The following VPS4A variants were observed in gnomAD, a reference collection of about 807,000 sequenced individuals.
VPS4A encodes vacuolar protein sorting-associated protein 4A.
In VPS4A, 20 loss-of-function variants were observed where a neutral mutation model predicts 52.3. The ratio of observed to expected loss-of-function variants is 0.38; its 90% confidence interval spans 0.27 to 0.56. VPS4A has a LOEUF of 0.56. VPS4A is among the 20% of genes least tolerant of loss of function. The probability of loss-of-function intolerance (pLI) is 0.72; values close to 1 mark genes in which losing one functional copy is unlikely to be tolerated. For synonymous variants in VPS4A, 293 were observed against 227.7 expected (o/e 1.29, Z -2.58); for missense variants, 419 against 575.9 (o/e 0.73, Z 2.79).
rs12708896 is a variant in VPS4A at position 69,316,166 on chromosome 16, C to T, written c.133+47C>T. On this transcript the variant is annotated intron_variant, in intron 2 of 10. Transcript: ENST00000254950. Reference sequence around the variant, plus strand: ...CAGGCTGCCGCACTCCAGAGGGGAGCGGAGGAGAGGGGGTGGCGCACGAGC... The same window carrying T: ...CAGGCTGCCGCACTCCAGAGGGGAGTGGAGGAGAGGGGGTGGCGCACGAGC... 12 of 1,611,868 alleles carry T rather than the reference C, an allele frequency of 7.4e-6. No individual in the cohort carries two copies. The African/African-American group carries it at 8.0e-5, about 11-fold the overall frequency.
intron 6 of VPS4A, among the ~76,000 whole-genome samples, chr16:69,319,852 T>G (rs1965488707): frequency 6.6e-6 from 1 of 152,122 alleles, no homozygotes; most frequent in African/African-American, 2.4e-5. Flanking sequence ...GACTCCTGTT[T>G]TGCGTGTGAT....
chr16:69,324,892 G>A lies in VPS4A; in HGVS notation c.*583G>A, dbSNP rs1014666616. The A allele has an allele frequency of 6.3e-5, 10 of 159,618 alleles. No homozygotes were observed. Among genetic ancestry groups the A allele is most frequent in the Admixed American group, 1.2e-4 (2 of 17,074 alleles). 9.9% of individuals were successfully genotyped at this position (159,618 alleles called of 1,614,324 possible). A position where few individuals can be genotyped will look rare whatever the true frequency, so the allele number is the denominator to read the frequency against. On this transcript the variant is annotated 3_prime_UTR_variant, in exon 11 of 11. Transcript: ENST00000254950. Reference sequence around the variant, plus strand: ...CAGGGCTGTGTCTTCCTTGGGGGAGGAGATGGTGTCGTTTAGATCAGGGTA... The same window carrying A: ...CAGGGCTGTGTCTTCCTTGGGGGAGAAGATGGTGTCGTTTAGATCAGGGTA...
rs766493051 is a variant in VPS4A at position 69,311,529 on chromosome 16, C to G, written c.18C>G (p.Leu6=). 1.5e-6 allele frequency: 2 copies of G among 1,346,504 alleles called. No individual in the cohort carries two copies. The highest frequency in any genetic ancestry group is 4.2e-5 in the South Asian group (2 of 48,074). 83.4% of individuals were successfully genotyped at this position (1,346,504 alleles called of 1,614,324 possible). Residue 6 remains leucine (L), a synonymous_variant, in exon 1 of 11, where the codon CTC becomes CTG. Transcript: ENST00000254950. MTTST[L]QKAIDLVTKA... ...GAGATGAAATGACAACGTCAACCCT[C>G]CAGGTACTTCGTGCGGCCCGGCCCG...
intron 6 of VPS4A, among the ~76,000 whole-genome samples, 170 bp downstream of exon 6, chr16:69,319,713 G>A (rs1038662504): frequency 6.6e-6 from 1 of 152,224 alleles, no homozygotes; most frequent in Non-Finnish European, 1.5e-5. Flanking sequence ...ACAAAGACAA[G>A]TGAAGGTGGA....
rs1272972505 is a variant in VPS4A, at chr16:69,321,085, G to A, written c.886G>A (p.Glu296Lys). ...EKRIYIPLPEEAARAQMFRLH... is the reference protein window; with the variant it reads ...EKRIYIPLPEKAARAQMFRLH... ...ACGAATTTATATCCCCTTGCCGGAG[G>A]AAGCTGCCCGCGCCCAGATGTTCCG... The change falls in exon 9 of 11, where the codon GAA (glutamate) becomes AAA (lysine). Residue 296 changes from glutamate (E) to lysine (K), a missense_variant. Transcript: ENST00000254950. The surrounding 1 kb of genome is among the most constrained non-coding windows in gnomAD (Gnocchi z 4.5). 1.3e-6 allele frequency: 2 copies of A among 1,595,282 alleles called. No individual in the cohort carries two copies. Among genetic ancestry groups the A allele is most frequent in the Non-Finnish European group, 1.7e-6 (2 of 1,170,988 alleles).
At chr16:69,322,418 G>A in intron 9 of VPS4A, 142 bp from the exon 10 acceptor site, 2 of 881,974 alleles carry the variant, frequency 2.3e-6, no homozygotes, top group Non-Finnish European at 3.3e-6. Context: ...GGACCACCCA[G>A]CCCGAGTTCT....
chr16:69,319,803 C>T (rs1965487673), intron 6 of VPS4A, among the ~76,000 whole-genome samples: 1 of 152,310 alleles, frequency 6.6e-6, no homozygotes, highest in Admixed American at 6.5e-5. Flanking sequence ...GTTGCGGTCC[C>T]TGTTGGGGCA....
In VPS4A at chr16:69,316,242, A is replaced by C; in HGVS notation, c.151A>C (p.Lys51Gln). The C allele has an allele frequency of 6.2e-7, 1 of 1,613,658 alleles. No homozygotes were observed. Among genetic ancestry groups the C allele is most frequent in the Non-Finnish European group, 8.5e-7 (1 of 1,179,862 alleles). Residue 51 changes from lysine (K) to glutamine (Q), a missense_variant, in exon 3 of 11, where the codon AAG becomes CAG. Physicochemically the swap from Lys to Gln is moderately conservative, Grantham distance 53 (BLOSUM62 1). Transcript: ENST00000254950. ...TTTCACAGATGAGGCCCACAGCGAC[A>C]AGGCCAAGGAGAGCATTCGAGCCAA... is the stretch of plus-strand genomic sequence containing the variant. ...HAIKYEAHSD[K>Q]AKESIRAKCV...
At chr16:69,316,738 G>C (rs1486066276) in intron 3 of VPS4A, among the ~76,000 whole-genome samples, 3 of 152,230 alleles carry the variant, frequency 2.0e-5, no homozygotes, top group African/African-American at 7.2e-5. Flanking sequence ...GGAGCAGTGA[G>C]ATGACGTGGG....
chr16:69,318,772 G>A lies in VPS4A; in HGVS notation c.344-51G>A, dbSNP rs372502571. 15 of 1,613,056 alleles carry A rather than the reference G, an allele frequency of 9.3e-6. No homozygotes were observed. The African/African-American group carries it at 1.9e-4, about 20-fold the overall frequency. ...ATGAGAGTGGGTCCGCTGCTGGGTT[G>A]GCTCATGCCCCTTGGCCGGGCCCGG... On this transcript the variant is annotated intron_variant, in intron 4 of 10. Transcript: ENST00000254950.
At chr16:69,317,977 A>C (rs560336368) in intron 3 of VPS4A, among the ~76,000 whole-genome samples, 187 of 143,576 alleles carry the variant, frequency 1.3e-3, no homozygotes, top group African/African-American at 1.9e-3. Context: ...AAAAAAAAAG[A>C]AGCTTCTGGC....
In VPS4A at chr16:69,320,477, TC is replaced by T; in HGVS notation, c.769+190del. 2 of 866,484 alleles carry T rather than the reference TC, an allele frequency of 2.3e-6. No individual in the cohort carries two copies. Among genetic ancestry groups the T allele is most frequent in the Non-Finnish European group, 3.5e-6 (2 of 571,700 alleles). The allele number at this position is 866,484 out of a possible 1,614,324, so 53.7% of individuals were successfully genotyped here. On this transcript the variant is annotated intron_variant, in intron 7 of 10. Coordinates refer to ENST00000254950, the MANE Select transcript of VPS4A (RefSeq NM_013245.3). This position sits in a 1 kb window ranked among gnomAD's most constrained non-coding sequence, Gnocchi z 4.2. ...CTGAGGCCTCTGCCTCACGGGCCAC[TC>T]CACCCCTCCCATGGCAGGCAGTGCC...
In VPS4A at chr16:69,323,962, AAAAG is replaced by A. The variant is rs1165226369; in HGVS notation, c.1213-241_1213-238del. Among the ~76,000 whole-genome samples the A allele has an allele frequency of 2.3e-4, 35 of 151,328 alleles. No individual in the cohort carries two copies. In the East Asian group the frequency reaches 3.7e-3, roughly 16 times the overall value. ...CCGTCTCCAAAAAAAAAAAAAAAAAAAAAGAAAGCAAGTTCGTAAGGGGAGTTAT... is the reference window on the plus strand; with the variant it reads ...CCGTCTCCAAAAAAAAAAAAAAAAAAAAAGCAAGTTCGTAAGGGGAGTTAT... On this transcript the variant is annotated intron_variant, in intron 10 of 10. Transcript: ENST00000254950.
At chr16:69,319,689 G>A in intron 6 of VPS4A, 146 bp downstream of exon 6, 2 of 1,131,426 alleles carry the variant, frequency 1.8e-6, no homozygotes, top group Non-Finnish European at 2.4e-6. Flanking sequence ...CTTATCGGCT[G>A]GGACACAGTC....
At position 69,321,234 on chromosome 16, in the gene VPS4A, C is replaced by A; in HGVS notation, c.1035C>A (p.Pro345=). 1.3e-6 allele frequency: 2 copies of A among 1,561,996 alleles called. No individual in the cohort carries two copies. Among genetic ancestry groups the A allele is most frequent in the South Asian group, 1.2e-5 (1 of 84,630 alleles). Residue 345 remains proline, a synonymous_variant, in exon 9 of 11, where the codon CCC becomes CCA. Transcript: ENST00000254950. This position sits in a 1 kb window ranked among gnomAD's most constrained non-coding sequence, Gnocchi z 4.5. ...TCGTGCGGGACTCTCTCATGCAGCC[C>A]GTGAGGAAGGTGCAGTCGGCCACAC... ...SIIVRDSLMQ[P]VRKVQSATHF...
In VPS4A at chr16:69,325,534, G is replaced by A. The variant is rs1255492152; in HGVS notation, c.*1225G>A. On this transcript the variant is annotated 3_prime_UTR_variant, in exon 11 of 11. Transcript: ENST00000254950. ...GCGGATCACAAGGTCAGGAAATCGA[G>A]AACATCCTGGCTAACACAGTGAAAC... The A allele has an allele frequency of 1.3e-5, 2 of 152,270 alleles. No homozygotes were observed. Among genetic ancestry groups the A allele is most frequent in the East Asian group, 1.9e-4 (1 of 5,180 alleles). 9.4% of individuals were successfully genotyped at this position (152,270 alleles called of 1,614,324 possible). A position where few individuals can be genotyped will look rare whatever the true frequency, so the allele number is the denominator to read the frequency against.
chr16:69,314,213 C>T (rs964325936), intron 1 of VPS4A, among the ~76,000 whole-genome samples: 7 of 152,060 alleles, frequency 4.6e-5, no homozygotes, highest in African/African-American at 1.7e-4. Flanking sequence ...GTGATCCGCC[C>T]GCCTCCGCGT....
chr16:69,324,493 T>C lies in VPS4A; in HGVS notation c.*184T>C, dbSNP rs904664571. On this transcript the variant is annotated 3_prime_UTR_variant, in exon 11 of 11. Transcript: ENST00000254950. ...CCTTGCAGCCACAGAGACACTCCAC[T>C]GCCCTGGGGCACACAGTGGACACTG... is the stretch of plus-strand genomic sequence containing the variant. The C allele has an allele frequency of 1.6e-6, 1 of 629,892 alleles. No individual in the cohort carries two copies. The allele number at this position is 629,892 out of a possible 1,614,324, so 39.0% of individuals were successfully genotyped here.
At chr16:69,313,206 C>T (rs2143243958) in intron 1 of VPS4A, among the ~76,000 whole-genome samples, 1 of 152,016 alleles carries the variant, frequency 6.6e-6, no homozygotes, top group South Asian at 2.1e-4. Context: ...TGGTTTCGAA[C>T]TCCTGACTTC....
Sources: allele counts gnomAD v4.1 joint callset (sites outside exome capture counted in the v4.1 genomes callset), GRCh38; gene constraint gnomAD v4.1.1; non-coding constraint Gnocchi (gnomAD v3.1); transcripts MANE v1.5; gene names NCBI Gene and HGNC (gene_info 2026-07-23, HGNC 2026-07-21).